Variants in PARD3 observed in about 807,000 individuals in gnomAD.
PARD3 encodes partitioning defective 3 homolog.
A neutral mutation model predicts 155.4 loss-of-function variants in PARD3; 75 were observed. The ratio of observed to expected loss-of-function variants is 0.48; its 90% CI spans 0.40 to 0.58. PARD3 has a LOEUF of 0.58. PARD3 is among the 20% of genes least tolerant of loss of function. The pLI, the probability that PARD3 is intolerant of heterozygous loss-of-function variation, is 0.00. For synonymous variants in PARD3, 576 were observed against 610.5 expected, an observed-to-expected ratio of 0.94 and a Z score of 0.83; for missense variants, 1,642 against 1,721.7, an observed-to-expected ratio of 0.95 and a Z score of 0.82.
rs1218498430 is a variant in PARD3 at position 34,348,005 on chromosome 10, A to C, written c.2178T>G (p.Asp726Glu). 1 of 1,613,472 alleles carries C rather than the reference A, an allele frequency of 6.2e-7. No individual in the cohort carries two copies. The highest frequency in any genetic ancestry group is 8.5e-7 in the Non-Finnish European group (1 of 1,179,758). Residue 726 changes from aspartate to glutamate, a missense_variant, in exon 15 of 25, where the codon GAT (aspartate) becomes GAG (glutamate). Physicochemically the swap from Asp to Glu is conservative, Grantham distance 45. Around this residue, in one of 3 missense-constraint regions of PARD3, gnomAD observed 1,529 missense variants for 1,587.3 expected, o/e 0.96. Transcript: ENST00000374788. ...HSLYSGIEGLDESPSRNAALS... is the reference protein window; with the variant it reads ...HSLYSGIEGLEESPSRNAALS... The stretch of plus-strand genomic sequence containing the variant: ...GGGCAGCATTTCTGCTGGGCGATTC[A>C]TCAAGCCCCTCAATCCCACTGTAGA...
At chr10:34,813,763 A>C (rs1411590337) in intron 1 of PARD3, among the ~76,000 whole-genome samples, 1 of 152,152 alleles carries the variant, frequency 6.6e-6, no homozygotes, top group Non-Finnish European at 1.5e-5. Context: ...TTCCAACGTC[A>C]TTTGCAGCCC....
intron 22 of PARD3, among the ~76,000 whole-genome samples, chr10:34,177,778 G>A (rs543986659): frequency 1.3e-5 from 2 of 152,312 alleles, no homozygotes; most frequent in South Asian, 2.1e-4. Flanking sequence ...CCTGCGAACC[G>A]CTCATATCCG....
At chr10:34,414,857 G>A (rs1378947452) in intron 5 of PARD3, among the ~76,000 whole-genome samples, 5 of 151,918 alleles carry the variant, frequency 3.3e-5, no homozygotes, top group African/African-American at 1.2e-4. Flanking sequence ...ACGTCACTAA[G>A]TAAGTACTGG....
chr10:34,711,135 T>C (rs929197121), intron 1 of PARD3, among the ~76,000 whole-genome samples: 1 of 151,986 alleles, frequency 6.6e-6, no homozygotes, highest in African/African-American at 2.4e-5. Flanking sequence ...TAAGATTGCA[T>C]TGCCACACTC....
intron 5 of PARD3, among the ~76,000 whole-genome samples, chr10:34,408,544 A>G (rs1309143402): frequency 2.0e-5 from 3 of 152,216 alleles, no homozygotes; most frequent in Non-Finnish European, 1.5e-5. Flanking sequence ...CAAGTCTCCT[A>G]GGTATCACAA....
In PARD3 at chr10:34,262,758, A is replaced by C. The variant is rs149217995; in HGVS notation, c.3419+6899T>G. ...TGAGGAACTTCAAAGAATTTCATGC[A>C]AGTACAAAATGAAAACCTTCAAATT... is the stretch of plus-strand genomic sequence containing the variant. On this transcript the variant is annotated intron_variant, in intron 22 of 24. Coordinates refer to ENST00000374788, the MANE Select transcript of PARD3 (RefSeq NM_001184785.2). 2.2e-4 allele frequency among the ~76,000 whole-genome samples: 33 copies of C among 152,366 alleles called. 1 individual carries two copies. The East Asian group carries it at 6.4e-3, about 29-fold the overall frequency.
chr10:34,725,144 TGTGTGTGA>T (rs1383987857), intron 1 of PARD3, among the ~76,000 whole-genome samples: 9 of 119,132 alleles, frequency 7.6e-5, no homozygotes, highest in African/African-American at 2.5e-4. Context: ...TGTGTGTGTG[TGTGTGTGA>T]CAGAGAGAGA....
intron 22 of PARD3, among the ~76,000 whole-genome samples, chr10:34,205,641 G>A (rs773378745): frequency 2.6e-5 from 4 of 152,166 alleles, no homozygotes; most frequent in Non-Finnish European, 4.4e-5. Context: ...AGGGTGAAGC[G>A]ATGTGTGTGG....
intron 1 of PARD3, among the ~76,000 whole-genome samples, chr10:34,778,274 TAGGG>T (rs1564610579): frequency 6.6e-6 from 1 of 152,018 alleles, no homozygotes; most frequent in Non-Finnish European, 1.5e-5. Flanking sequence ...ACAGGGGAAA[TAGGG>T]AGGAAGGTTG....
chr10:34,310,102 C>T (rs1957626006), intron 20 of PARD3, among the ~76,000 whole-genome samples: 1 of 152,060 alleles, frequency 6.6e-6, no homozygotes, highest in African/African-American at 2.4e-5. Context: ...AAACAATTAC[C>T]TTTATATACT....
intron 2 of PARD3, among the ~76,000 whole-genome samples, chr10:34,634,303 C>A (rs979204520): frequency 3.9e-5 from 6 of 152,118 alleles, no homozygotes; most frequent in African/African-American, 1.4e-4. Flanking sequence ...GATATACTGG[C>A]AGAACAGTAC....
chr10:34,345,959 C>T (rs1189266889), intron 15 of PARD3: 9 of 982,726 alleles, frequency 9.2e-6, no homozygotes, highest in East Asian at 2.3e-4. Context: ...TTTAGAATCC[C>T]TAGTTTCCGT....
At chr10:34,424,848 A>G (rs2075512021) in intron 5 of PARD3, among the ~76,000 whole-genome samples, 1 of 152,098 alleles carries the variant, frequency 6.6e-6, no homozygotes, top group African/African-American at 2.4e-5. Flanking sequence ...GACCTATTAC[A>G]TGAGCAATGG....
intron 5 of PARD3, among the ~76,000 whole-genome samples, chr10:34,445,312 G>GA (rs1239436986): frequency 6.6e-6 from 1 of 152,144 alleles, no homozygotes. Flanking sequence ...GCTTACTTCT[G>GA]AAAAAATTTG....
At chr10:34,266,322 T>C (rs1391089400) in intron 22 of PARD3, among the ~76,000 whole-genome samples, 1 of 152,184 alleles carries the variant, frequency 6.6e-6, no homozygotes, top group Non-Finnish European at 1.5e-5. Flanking sequence ...GGTGATACCA[T>C]GACATCACAG....
At chr10:34,438,584 C>T (rs1365950867) in intron 5 of PARD3, among the ~76,000 whole-genome samples, 1 of 152,116 alleles carries the variant, frequency 6.6e-6, no homozygotes, top group Non-Finnish European at 1.5e-5. Context: ...AAAGTAGGGA[C>T]ATTATGAACT....
intron 2 of PARD3, among the ~76,000 whole-genome samples, chr10:34,626,725 T>G (rs1358996291): frequency 6.6e-6 from 1 of 152,100 alleles, no homozygotes; most frequent in East Asian, 1.9e-4. Context: ...AAGAACATGG[T>G]TATGACACTC....
At chr10:34,764,398 G>T in intron 1 of PARD3, among the ~76,000 whole-genome samples, 1 of 152,306 alleles carries the variant, frequency 6.6e-6, no homozygotes, top group Non-Finnish European at 1.5e-5. Flanking sequence ...GGAAAATACA[G>T]TTTAAAATAG....
intron 22 of PARD3, among the ~76,000 whole-genome samples, chr10:34,180,566 A>C (rs1027480432): frequency 2.6e-5 from 4 of 152,190 alleles, no homozygotes; most frequent in Non-Finnish European, 5.9e-5. Flanking sequence ...AACACATGAA[A>C]AAATTATTAA....
Sources: gnomAD v4.1 joint callset for allele counts (sites outside exome capture counted in the v4.1 genomes callset) on GRCh38, gnomAD v4.1.1 for gene constraint, gnomAD v4.1.1 regional missense constraint, MANE v1.5 for transcripts, NCBI Gene and HGNC (gene_info 2026-07-23, HGNC 2026-07-21) for gene names.